E2F7: variants seen among roughly 807,000 people sequenced by gnomAD.
E2F7 encodes the protein E2F transcription factor 7.
In E2F7, 35 loss-of-function variants were observed where a neutral mutation model predicts 81.1. That is an observed-to-expected ratio of 0.43 (90% CI 0.33 to 0.57). The LOEUF is 0.57. Ranked by LOEUF, E2F7 falls within the 20% of genes least tolerant of loss-of-function variation. The probability of loss-of-function intolerance (pLI) is 0.04; values close to 1 mark genes in which losing one functional copy is unlikely to be tolerated. For missense variants in E2F7, 961 were observed against 1,093.7 expected (o/e 0.88, Z 1.71); for synonymous variants, 416 against 416.2 (o/e 1.00, Z 0.01).
In E2F7 at chr12:77,064,646, C is replaced by T; in HGVS notation, c.1-11G>A. The T allele has an allele frequency of 1.2e-6, 2 of 1,604,072 alleles. No individual in the cohort carries two copies. Among genetic ancestry groups the T allele is most frequent in the African/African-American group, 1.3e-5 (1 of 74,732 alleles). ...ACAATTTACCTCCATCTGTAATGCA[C>T]AATTACACTAGAAAATGATTTTGCA... On this transcript the variant is annotated splice_polypyrimidine_tract_variant and intron_variant, in intron 1 of 12. Coordinates refer to ENST00000322886, the MANE Select transcript of E2F7 (RefSeq NM_203394.3).
chr12:77,055,848 T>A lies in E2F7; in HGVS notation c.369+7A>T, dbSNP rs1413898194. 1 of 1,593,904 alleles carries A rather than the reference T, an allele frequency of 6.3e-7. No homozygotes were observed. The highest frequency in any genetic ancestry group is 1.4e-5 in the African/African-American group (1 of 74,054). On this transcript the variant is annotated splice_region_variant and intron_variant, in intron 3 of 12. Coordinates refer to ENST00000322886, the MANE Select transcript of E2F7 (RefSeq NM_203394.3). Reference sequence around the variant, plus strand: ...TAAAAAATCCCTGAGGAGCACAGTCTGTTTACCTGTAGAGAATCTGTAAAT... The same window carrying A: ...TAAAAAATCCCTGAGGAGCACAGTCAGTTTACCTGTAGAGAATCTGTAAAT...
rs779779274 is a variant in E2F7 at position 77,046,096 on chromosome 12, A to C, written c.771T>G (p.Gly257=). The C allele has an allele frequency of 6.2e-7, 1 of 1,614,168 alleles. No individual in the cohort carries two copies. The highest frequency in any genetic ancestry group is 1.1e-5 in the South Asian group (1 of 91,076). The change falls in exon 5 of 13, where the codon GGT becomes GGG. Residue 257 remains glycine (G), a synonymous_variant. Transcript: ENST00000322886. ...DYKFGERKKD[G]DPDSQEQQLL... ...ACTGTTGTTCCTGGGAATCTGGATCACCATCTTTTTTACGTTCTCCAAATT... is the reference window on the plus strand; with the variant it reads ...ACTGTTGTTCCTGGGAATCTGGATCCCCATCTTTTTTACGTTCTCCAAATT...
At position 77,056,903 on chromosome 12, in the gene E2F7, T is replaced by A. The variant is rs550580028; in HGVS notation, c.94-773A>T. On this transcript the variant is annotated intron_variant, in intron 2 of 12. Coordinates refer to ENST00000322886, the MANE Select transcript of E2F7 (RefSeq NM_203394.3). ...ATTTTTCTTACTTTTTTTTTTTTTT[T>A]AAAAGATAGGGTCTCACTCTGTTGC... Among the ~76,000 whole-genome samples, 794 of 150,968 alleles carry A rather than the reference T, an allele frequency of 5.3e-3. 6 individuals are homozygous for A. Among genetic ancestry groups the A allele is most frequent in the Admixed American group, 0.01 (157 of 15,168 alleles).
At chr12:77,052,155 A>C (rs771545827) in intron 3 of E2F7, among the ~76,000 whole-genome samples, 35 of 152,184 alleles carry the variant, frequency 2.3e-4, no homozygotes, top group Non-Finnish European at 4.3e-4. Context: ...ATTTAGTGAA[A>C]TATATTGTCT....
intron 11 of E2F7, among the ~76,000 whole-genome samples, chr12:77,027,439 T>C (rs1267979554): frequency 6.6e-6 from 1 of 152,160 alleles, no homozygotes; most frequent in Non-Finnish European, 1.5e-5. Context: ...GAAGAATACT[T>C]AAGTTCACGC....
intron 7 of E2F7, among the ~76,000 whole-genome samples, chr12:77,038,153 C>T (rs531502900): frequency 4.1e-4 from 63 of 152,178 alleles, no homozygotes; most frequent in African/African-American, 1.5e-3. Flanking sequence ...AAATCCATTC[C>T]ACAAAACTTT....
rs1954709793 is a variant in E2F7 at position 77,021,470 on chromosome 12, A to G, written c.*2545T>C. On this transcript the variant is annotated 3_prime_UTR_variant, in exon 13 of 13. Coordinates refer to ENST00000322886, the MANE Select transcript of E2F7 (RefSeq NM_203394.3). ...ATACCTACATACAACTAGCAGTGCA[A>G]TAAGATAAGCAGAAAGCAGCTTTAC... The G allele has an allele frequency of 6.6e-6, 1 of 151,384 alleles. No individual in the cohort carries two copies. Among genetic ancestry groups the G allele is most frequent in the Middle Eastern group, 3.2e-3 (1 of 316 alleles). 9.4% of individuals were successfully genotyped at this position (151,384 alleles called of 1,614,324 possible).
chr12:77,046,853 A>G (rs1157648179), intron 4 of E2F7, among the ~76,000 whole-genome samples: 2 of 152,212 alleles, frequency 1.3e-5, no homozygotes, highest in African/African-American at 4.8e-5. Flanking sequence ...AACGCTCTCA[A>G]TGGACCAGTA....
chr12:77,041,261 G>A (rs796424991), intron 7 of E2F7, among the ~76,000 whole-genome samples: 13 of 152,192 alleles, frequency 8.5e-5, no homozygotes, highest in Admixed American at 3.9e-4. Flanking sequence ...GCGTGATCTC[G>A]GCTCACTGCA....
intron 7 of E2F7, among the ~76,000 whole-genome samples, chr12:77,042,051 T>G (rs565628020): frequency 1.3e-5 from 2 of 152,218 alleles, no homozygotes; most frequent in East Asian, 3.9e-4. Flanking sequence ...TTGAGCCAGA[T>G]CTTGAAGGTT....
In E2F7 at chr12:77,025,975, AT is replaced by A; in HGVS notation, c.2147del (p.Asn716MetfsTer66). 6.2e-7 allele frequency: 1 copy of A among 1,602,186 alleles called. No homozygotes were observed. Among genetic ancestry groups the A allele is most frequent in the Non-Finnish European group, 8.5e-7 (1 of 1,174,036 alleles). On this transcript the variant is annotated frameshift_variant, in exon 12 of 13. Coordinates refer to ENST00000322886, the MANE Select transcript of E2F7 (RefSeq NM_203394.3). LOFTEE classifies it high-confidence loss of function. ...YLCVQSPAGL[N>X]GFNVLLSGSQ... is the part of the protein sequence containing the mutation. ...TGCCAGATAAAAGTACATTGAAACC[AT>A]TTAATCCTGAAAGAAAAGCAGAACA...
chr12:77,036,474 A>G lies in E2F7; in HGVS notation c.1124-2432T>C, dbSNP rs112435554. On this transcript the variant is annotated intron_variant, in intron 7 of 12. Coordinates refer to ENST00000322886, the MANE Select transcript of E2F7 (RefSeq NM_203394.3). ...CAGGAGTTTGAGATTGCAGTGAGCC[A>G]TGATCATGCCATCGCGCCACTGCAC... Among the ~76,000 whole-genome samples, 1,247 of 152,156 alleles carry G rather than the reference A, an allele frequency of 8.2e-3. 14 individuals are homozygous for G. Among genetic ancestry groups the G allele is most frequent in the African/African-American group, 0.029 (1,189 of 41,484 alleles).
intron 3 of E2F7, 81 bp downstream of exon 3, chr12:77,055,774 G>T (rs1328129451): frequency 3.4e-5 from 51 of 1,487,818 alleles, no homozygotes; most frequent in Non-Finnish European, 4.5e-5. Flanking sequence ...GAGCTGAAAA[G>T]TTGACAGTTC....
chr12:77,040,243 T>C (rs1312132755), intron 7 of E2F7, among the ~76,000 whole-genome samples: 1 of 152,226 alleles, frequency 6.6e-6, no homozygotes, highest in Non-Finnish European at 1.5e-5. Flanking sequence ...AACTCATGCC[T>C]GATCAACGCT....
At chr12:77,062,885 A>AT (rs1716554951) in intron 2 of E2F7, among the ~76,000 whole-genome samples, 1 of 135,718 alleles carries the variant, frequency 7.4e-6, no homozygotes, top group Admixed American at 7.5e-5. Context: ...GACTTAGATA[A>AT]TTAAAAAAAA....
chr12:77,058,457 G>C (rs1955052363), intron 2 of E2F7, among the ~76,000 whole-genome samples: 1 of 152,172 alleles, frequency 6.6e-6, no homozygotes, highest in African/African-American at 2.4e-5. Context: ...AAATGAGCCT[G>C]TGTCCTGGGC....
intron 2 of E2F7, among the ~76,000 whole-genome samples, chr12:77,063,156 G>A (rs962542442): frequency 3.3e-5 from 5 of 152,092 alleles, no homozygotes; most frequent in Non-Finnish European, 7.4e-5. Flanking sequence ...TGGCTGTCAC[G>A]GTATTGCAGT....
At chr12:77,033,233 C>G in intron 8 of E2F7, 111 bp from the exon 9 acceptor site, 1 of 969,140 alleles carries the variant, frequency 1.0e-6, no homozygotes, top group Non-Finnish European at 1.5e-6. Context: ...AAAGATTACT[C>G]AAATCTGTTA....
chr12:77,036,013 AAGAC>A (rs1011644425), intron 7 of E2F7, among the ~76,000 whole-genome samples: 4 of 152,252 alleles, frequency 2.6e-5, no homozygotes, highest in Non-Finnish European at 4.4e-5. Context: ...AACGAGAAAA[AAGAC>A]AGAAATGAAC....
Sources: allele counts gnomAD v4.1 joint callset (sites outside exome capture counted in the v4.1 genomes callset), GRCh38; gene constraint gnomAD v4.1.1; transcripts MANE v1.5; gene names NCBI Gene and HGNC (gene_info 2026-07-23, HGNC 2026-07-21).